The following PRELID2 variants were observed in gnomAD, a reference collection of about 807,000 sequenced individuals.
PRELID2 encodes the protein PRELI domain containing 2.
A neutral mutation model predicts 28.4 loss-of-function variants in PRELID2; 25 were observed. The ratio of observed to expected loss-of-function variants is 0.88; its 90% CI spans 0.64 to 1.23. The LOEUF is 1.23. Ranked by LOEUF, PRELID2 falls within the 50% of genes most tolerant of loss-of-function variation. PRELID2 has a pLI of 0.00. For synonymous variants in PRELID2, 76 were observed against 71.6 expected, an observed-to-expected ratio of 1.06 and a Z score of -0.31; for missense variants, 201 against 214.4, an observed-to-expected ratio of 0.94 and a Z score of 0.39.
At chr5:145,485,698 G>A (rs756235931) in intron 1 of PRELID2, among the ~76,000 whole-genome samples, 2 of 152,128 alleles carry the variant, frequency 1.3e-5, no homozygotes, top group Non-Finnish European at 2.9e-5. Context: ...CCTGACCAGA[G>A]ACTCCTCAGC....
At chr5:145,286,308 T>C in the PRELID2 span, among the ~76,000 whole-genome samples, 2 of 152,220 alleles carry the variant, frequency 1.3e-5, no homozygotes, top group African/African-American at 4.8e-5. Flanking sequence ...CTTACCACTA[T>C]GCTTGTTATA....
intron 1 of PRELID2, among the ~76,000 whole-genome samples, chr5:145,505,042 A>G (rs1413110951): frequency 1.3e-5 from 2 of 152,164 alleles, no homozygotes; most frequent in Non-Finnish European, 2.9e-5. Context: ...CTAATTTGAT[A>G]TATTGTCATT....
At chr5:145,670,767 C>T (rs550286916) in intron 1 of PRELID2, among the ~76,000 whole-genome samples, 29 of 152,270 alleles carry the variant, frequency 1.9e-4, no homozygotes, top group Non-Finnish European at 3.4e-4. Flanking sequence ...GACTCACCTC[C>T]AGGATCTTTA....
the PRELID2 span, among the ~76,000 whole-genome samples, chr5:145,270,437 A>G: frequency 1.3e-5 from 2 of 152,280 alleles, no homozygotes; most frequent in Non-Finnish European, 2.9e-5. Context: ...AGCATGGATA[A>G]ACCTCAAAAA....
the PRELID2 span, among the ~76,000 whole-genome samples, chr5:145,410,449 C>T: frequency 1.3e-5 from 2 of 152,036 alleles, no homozygotes; most frequent in South Asian, 4.1e-4. Flanking sequence ...TGGAGAAATA[C>T]CAGAGACTGG....
the PRELID2 span, among the ~76,000 whole-genome samples, chr5:145,314,398 G>A: frequency 1.3e-5 from 2 of 151,936 alleles, no homozygotes; most frequent in Non-Finnish European, 2.9e-5. Flanking sequence ...TTTACATGAG[G>A]GGAAAACAGA....
At chr5:145,246,572 T>A in the PRELID2 span, among the ~76,000 whole-genome samples, 1 of 152,102 alleles carries the variant, frequency 6.6e-6, no homozygotes, top group East Asian at 1.9e-4. Flanking sequence ...TTCCTTGGCA[T>A]GGGCTCTCCC....
At chr5:145,233,273 G>A in the PRELID2 span, among the ~76,000 whole-genome samples, 2 of 151,944 alleles carry the variant, frequency 1.3e-5, no homozygotes, top group Non-Finnish European at 2.9e-5. Context: ...TCTGAACCAG[G>A]TTCTCTTTGT....
At chr5:145,774,488 A>C (rs1362791498) in intron 5 of PRELID2, among the ~76,000 whole-genome samples, 1 of 152,138 alleles carries the variant, frequency 6.6e-6, no homozygotes, top group Non-Finnish European at 1.5e-5. Flanking sequence ...ATTACCTCCC[A>C]TTCTTCCCAT....
At chr5:145,422,271 C>T in the PRELID2 span, among the ~76,000 whole-genome samples, 15 of 150,966 alleles carry the variant, frequency 9.9e-5, no homozygotes, top group Non-Finnish European at 1.9e-4. Flanking sequence ...GAGCTGAGTT[C>T]AATTCCTGGG....
chr5:145,265,409 A>T, the PRELID2 span, among the ~76,000 whole-genome samples: 1 of 152,052 alleles, frequency 6.6e-6, no homozygotes, highest in African/African-American at 2.4e-5. Flanking sequence ...CAATCCACAA[A>T]TTCAGTGCAA....
chr5:145,293,874 G>T, the PRELID2 span, among the ~76,000 whole-genome samples: 1 of 152,110 alleles, frequency 6.6e-6, no homozygotes, highest in African/African-American at 2.4e-5. Flanking sequence ...TATCTCAACT[G>T]CAGAAAGCTA....
At chr5:145,380,859 A>ATATTT in the PRELID2 span, among the ~76,000 whole-genome samples, 2 of 152,222 alleles carry the variant, frequency 1.3e-5, no homozygotes, top group Admixed American at 1.3e-4. Flanking sequence ...GGTCTTGATA[A>ATATTT]GTGTTATATA....
intron 1 of PRELID2, among the ~76,000 whole-genome samples, chr5:145,600,056 T>C (rs1170459558): frequency 6.7e-6 from 1 of 150,216 alleles, no homozygotes; most frequent in Non-Finnish European, 1.5e-5. Context: ...TTCTATGTTA[T>C]CTGTGACATT....
At chr5:145,686,858 T>C (rs1046105086) in intron 1 of PRELID2, among the ~76,000 whole-genome samples, 1 of 152,228 alleles carries the variant, frequency 6.6e-6, no homozygotes, top group Non-Finnish European at 1.5e-5. Flanking sequence ...ATTTTTTCTT[T>C]AATTTTAATG....
chr5:145,758,119 C>T lies in PRELID2; in HGVS notation c.*2417G>A, dbSNP rs140131739. On this transcript the variant is annotated 3_prime_UTR_variant, in exon 7 of 7. Coordinates refer to ENST00000683046, the MANE Select transcript of PRELID2 (RefSeq NM_205846.3). ...AACATGTTTTTTGTTTTGGCCAGCA[C>T]AATGTTTTAAACAATTCTGAATTGG... is the stretch of plus-strand genomic sequence containing the variant. 6.2e-4 allele frequency among the ~76,000 whole-genome samples: 94 copies of T among 151,504 alleles called. No individual in the cohort carries two copies. In the East Asian group the frequency reaches 0.016, roughly 26 times the overall value.
At chr5:145,644,797 T>C (rs1754169083) in intron 1 of PRELID2, among the ~76,000 whole-genome samples, 2 of 152,208 alleles carry the variant, frequency 1.3e-5, no homozygotes, top group African/African-American at 4.8e-5. Context: ...AGGAGCAGGT[T>C]GTTCAGTTTC....
intron 1 of PRELID2, among the ~76,000 whole-genome samples, chr5:145,654,777 C>A (rs187671649): frequency 0.047 from 7,182 of 152,110 alleles, 543 homozygotes; most frequent in African/African-American, 0.16. Flanking sequence ...TTATGACAAA[C>A]CCACAGCCAA....
chr5:145,633,836 C>A (rs1282834968), intron 1 of PRELID2, among the ~76,000 whole-genome samples: 2 of 152,134 alleles, frequency 1.3e-5, no homozygotes, highest in African/African-American at 4.8e-5. Context: ...AGCAATGCAA[C>A]CATTTCCAGG....
Sources: allele counts gnomAD v4.1 joint callset (sites outside exome capture counted in the v4.1 genomes callset), GRCh38; gene constraint gnomAD v4.1.1; transcripts MANE v1.5; gene names NCBI Gene and HGNC (gene_info 2026-07-23, HGNC 2026-07-21).